PRKG1: variants seen among roughly 807,000 people sequenced by gnomAD.
The protein encoded by PRKG1 is protein kinase cGMP-dependent 1, also known as cGMP-dependent protein kinase 1.
Under a neutral mutation model 88.1 loss-of-function variants are expected in PRKG1, and 35 were observed. That is an observed-to-expected ratio of 0.40 (90% CI 0.30 to 0.53). The LOEUF is 0.53. Among genes scored for constraint, PRKG1 ranks in the 20% least tolerant of loss-of-function variants. The pLI, the probability that PRKG1 is intolerant of heterozygous loss-of-function variation, is 0.59. For synonymous variants in PRKG1, 303 were observed against 292.5 expected (o/e 1.04, Z -0.37); for missense variants, 540 against 839.8 (o/e 0.64, Z 4.41).
chr10:51,004,032 A>T lies in PRKG1; in HGVS notation c.266+12388A>T, dbSNP rs752220064. 2.6e-5 allele frequency among the ~76,000 whole-genome samples: 4 copies of T among 152,150 alleles called. No individual in the cohort carries two copies. The South Asian group carries it at 8.3e-4, about 31-fold the overall frequency. ...GTACACATTTTCTCATATGTTATTTATGTATTTATTTATAGGATTAATTCC... is the reference window on the plus strand; with the variant it reads ...GTACACATTTTCTCATATGTTATTTTTGTATTTATTTATAGGATTAATTCC... On this transcript the variant is annotated intron_variant, in intron 1 of 17. Coordinates refer to the PRKG1 transcript ENST00000401604.
intron 2 of PRKG1, among the ~76,000 whole-genome samples, chr10:51,193,663 C>T (rs1837687574): frequency 6.6e-6 from 1 of 151,984 alleles, no homozygotes; most frequent in Admixed American, 6.6e-5. Flanking sequence ...AAAGACTAGC[C>T]TTCAAAACCA....
intron 5 of PRKG1, among the ~76,000 whole-genome samples, chr10:51,913,070 G>A (rs1414190379): frequency 5.3e-5 from 8 of 151,996 alleles, no homozygotes; most frequent in East Asian, 1.9e-4. Flanking sequence ...CTGGGATTAC[G>A]GGTGTGTGCC....
At chr10:52,070,461 C>T (rs1023492156) in intron 7 of PRKG1, among the ~76,000 whole-genome samples, 1 of 152,142 alleles carries the variant, frequency 6.6e-6, no homozygotes, top group African/African-American at 2.4e-5. Flanking sequence ...AATGTAGGTA[C>T]AGATATATTT....
chr10:51,437,183 G>A (rs544028534), intron 2 of PRKG1, among the ~76,000 whole-genome samples: 11 of 151,922 alleles, frequency 7.2e-5, no homozygotes, highest in Admixed American at 3.9e-4. Context: ...GTAGTGTGAT[G>A]AGAACTTAGA....
intron 1 of PRKG1, among the ~76,000 whole-genome samples, chr10:51,040,609 C>T (rs560663143): frequency 5.3e-5 from 8 of 152,154 alleles, no homozygotes; most frequent in Admixed American, 2.6e-4. Flanking sequence ...TGAGCCACCA[C>T]ACCTGGCCTC....
chr10:51,127,477 T>C (rs1285519244), intron 1 of PRKG1, among the ~76,000 whole-genome samples: 1 of 152,136 alleles, frequency 6.6e-6, no homozygotes, highest in Non-Finnish European at 1.5e-5. Flanking sequence ...GGCGAGGCTG[T>C]GGAGAAATAG....
intron 2 of PRKG1, among the ~76,000 whole-genome samples, chr10:51,246,269 G>A (rs957697392): frequency 2.6e-5 from 4 of 151,996 alleles, no homozygotes; most frequent in Non-Finnish European, 5.9e-5. Context: ...GGTGGAAAAG[G>A]AACTAATAAA....
intron 10 of PRKG1, among the ~76,000 whole-genome samples, chr10:52,260,372 A>G (rs553720153): frequency 6.6e-6 from 1 of 152,214 alleles, no homozygotes; most frequent in South Asian, 2.1e-4. Flanking sequence ...CTATATTTCA[A>G]AAGTATAACT....
intron 3 of PRKG1, among the ~76,000 whole-genome samples, chr10:51,625,401 C>T (rs1452885100): frequency 1.3e-5 from 2 of 152,080 alleles, no homozygotes; most frequent in East Asian, 1.9e-4. Context: ...CACTTGAACC[C>T]GTGAGACAGA....
chr10:51,302,172 G>T (rs948672308), intron 2 of PRKG1, among the ~76,000 whole-genome samples: 2 of 152,178 alleles, frequency 1.3e-5, no homozygotes, highest in African/African-American at 4.8e-5. Context: ...ACTACTAGGG[G>T]TTTAATTGAC....
intron 3 of PRKG1, among the ~76,000 whole-genome samples, chr10:51,801,876 C>T (rs548680508): frequency 5.3e-5 from 8 of 152,178 alleles, no homozygotes; most frequent in African/African-American, 1.7e-4. Flanking sequence ...AAATGATATA[C>T]GTTTCAGCAA....
intron 3 of PRKG1, among the ~76,000 whole-genome samples, chr10:51,703,951 A>G (rs1841536533): frequency 6.6e-6 from 1 of 152,044 alleles, no homozygotes; most frequent in Admixed American, 6.6e-5. Context: ...AGCCCGGCCA[A>G]CATGGTGAAA....
At chr10:51,746,520 G>A (rs983173873) in intron 3 of PRKG1, among the ~76,000 whole-genome samples, 1 of 151,870 alleles carries the variant, frequency 6.6e-6, no homozygotes, top group Admixed American at 6.6e-5. Flanking sequence ...TCAGGAGTTC[G>A]AGACCAGCCT....
At chr10:51,269,450 G>A (rs934505806) in intron 2 of PRKG1, among the ~76,000 whole-genome samples, 1 of 152,122 alleles carries the variant, frequency 6.6e-6, no homozygotes, top group Non-Finnish European at 1.5e-5. Context: ...AATTGCAGAA[G>A]TATGGAACCA....
chr10:52,283,419 CTG>C (rs1440856049), intron 14 of PRKG1, among the ~76,000 whole-genome samples: 6 of 152,056 alleles, frequency 3.9e-5, no homozygotes, highest in Non-Finnish European at 7.4e-5. Context: ...ACAGGGTACT[CTG>C]TGAGGATTCA....
intron 3 of PRKG1, among the ~76,000 whole-genome samples, chr10:51,611,490 A>C (rs1469311900): frequency 6.6e-6 from 1 of 151,512 alleles, no homozygotes; most frequent in Non-Finnish European, 1.5e-5. Context: ...TTTTTAAAAA[A>C]AAAACGTTAA....
chr10:51,531,594 A>G (rs1842016537), intron 3 of PRKG1, among the ~76,000 whole-genome samples: 1 of 149,644 alleles, frequency 6.7e-6, no homozygotes, highest in South Asian at 2.1e-4. Flanking sequence ...TTCAAGTTTA[A>G]CCTTTGTGAA....
chr10:51,785,849 A>G (rs1173535503), intron 3 of PRKG1, among the ~76,000 whole-genome samples: 1 of 152,182 alleles, frequency 6.6e-6, no homozygotes, highest in Non-Finnish European at 1.5e-5. Flanking sequence ...ACTGGGAGAT[A>G]TCTCATTCAG....
At chr10:51,257,948 T>G (rs745914870) in intron 2 of PRKG1, among the ~76,000 whole-genome samples, 7 of 152,228 alleles carry the variant, frequency 4.6e-5, no homozygotes, top group Non-Finnish European at 8.8e-5. Flanking sequence ...CTGGTAAATT[T>G]AATATATGTC....
Sources: gnomAD v4.1 joint callset for allele counts (sites outside exome capture counted in the v4.1 genomes callset) on GRCh38, gnomAD v4.1.1 for gene constraint, MANE v1.5 for transcripts, NCBI Gene and HGNC (gene_info 2026-07-23, HGNC 2026-07-21) for gene names.